Variants in COMMD10 observed in about 807,000 individuals in gnomAD.
The protein encoded by COMMD10 is COMM domain-containing protein 10.
Under a neutral mutation model 28.9 loss-of-function variants are expected in COMMD10, and 33 were observed. The ratio of observed to expected loss-of-function variants is 1.14; its 90% CI spans 0.87 to 1.53. COMMD10 has a LOEUF of 1.53. COMMD10 is among the 40% of genes most tolerant of loss of function. The pLI, the probability that COMMD10 is intolerant of heterozygous loss-of-function variation, is 0.00. For synonymous variants in COMMD10, 110 were observed against 81.7 expected, an observed-to-expected ratio of 1.35 and a Z score of -1.87; for missense variants, 310 against 233.4, an observed-to-expected ratio of 1.33 and a Z score of -2.14.
chr5:116,086,573 C>T (rs1163389573), intron 1 of COMMD10, among the ~76,000 whole-genome samples: 1 of 152,168 alleles, frequency 6.6e-6, no homozygotes, highest in Non-Finnish European at 1.5e-5. Context: ...ATTCTCCTCC[C>T]TGAGCCTCCT....
rs568702251 is a variant in COMMD10 at position 116,276,263 on chromosome 5, C to CT, written c.511-15248dup. On this transcript the variant is annotated intron_variant, in intron 5 of 6. Transcript: ENST00000274458. ...TGAGAAATATCTTCTTTTTTTTCTT[C>CT]TTTTTTGAGATGGACTTCTGCTTTT... Among the ~76,000 whole-genome samples, 23 of 151,130 alleles carry CT rather than the reference C, an allele frequency of 1.5e-4. No homozygotes were observed. In the South Asian group the frequency reaches 2.5e-3, roughly 16 times the overall value.
chr5:116,085,738 T>A (rs1750071739), intron 1 of COMMD10: 1 of 152,160 alleles, frequency 6.6e-6, no homozygotes, highest in Non-Finnish European at 1.5e-5. Flanking sequence ...AAGACTCAAT[T>A]TGTGAAAAAA....
intron 5 of COMMD10, among the ~76,000 whole-genome samples, chr5:116,182,623 A>G (rs1423153265): frequency 3.9e-5 from 6 of 152,158 alleles, no homozygotes; most frequent in African/African-American, 9.7e-5. Context: ...GAGGAAAGCA[A>G]TCTATTTGGG....
intron 5 of COMMD10, among the ~76,000 whole-genome samples, chr5:116,152,889 C>T (rs1355549971): frequency 1.3e-5 from 2 of 151,910 alleles, no homozygotes; most frequent in African/African-American, 4.8e-5. Flanking sequence ...TTTGTGAAAT[C>T]TTTTTTTGCT....
At chr5:116,171,628 C>T (rs993939091) in intron 5 of COMMD10, among the ~76,000 whole-genome samples, 2 of 152,128 alleles carry the variant, frequency 1.3e-5, no homozygotes, top group African/African-American at 4.8e-5. Context: ...CACATATACA[C>T]CATGGAATAC....
chr5:116,120,366 G>A (rs892592823), intron 4 of COMMD10, among the ~76,000 whole-genome samples: 1 of 152,108 alleles, frequency 6.6e-6, no homozygotes, highest in Non-Finnish European at 1.5e-5. Context: ...TTGGGAGGAA[G>A]ATGAGGGATA....
chr5:116,269,338 G>A (rs1314622092), intron 5 of COMMD10, among the ~76,000 whole-genome samples: 1 of 151,706 alleles, frequency 6.6e-6, no homozygotes, highest in Non-Finnish European at 1.5e-5. Flanking sequence ...GAGAAATTTT[G>A]GGCCACCCAC....
intron 5 of COMMD10, among the ~76,000 whole-genome samples, chr5:116,183,992 A>G (rs1580529380): frequency 6.6e-6 from 1 of 152,262 alleles, no homozygotes; most frequent in East Asian, 1.9e-4. Context: ...AATTATTTTA[A>G]TCAGTCATCC....
intron 5 of COMMD10, among the ~76,000 whole-genome samples, chr5:116,224,328 A>G (rs1199410056): frequency 2.0e-5 from 3 of 152,146 alleles, no homozygotes; most frequent in East Asian, 3.8e-4. Flanking sequence ...TACTGTCTCT[A>G]CAGTTCCCAG....
rs1750144929 is a variant in COMMD10, at chr5:116,087,521, A to T, written c.66A>T (p.Ile22=). 1 of 1,611,410 alleles carries T rather than the reference A, an allele frequency of 6.2e-7. No homozygotes were observed. Among genetic ancestry groups the T allele is most frequent in the Non-Finnish European group, 8.5e-7 (1 of 1,177,456 alleles). Residue 22 remains isoleucine (I), a synonymous_variant, in exon 2 of 7, where the codon ATA becomes ATT. Transcript: ENST00000274458. ...SPSMKKAVSL[I]NAIDTGRFPR... is the part of the protein sequence containing the mutation. Reference sequence around the variant, plus strand: ...GCATGAAGAAAGCAGTGTCACTGATAAATGCAATAGATACAGGAAGATTTC... The same window carrying T: ...GCATGAAGAAAGCAGTGTCACTGATTAATGCAATAGATACAGGAAGATTTC...
chr5:116,201,771 T>G (rs2112623820), intron 5 of COMMD10, among the ~76,000 whole-genome samples: 1 of 152,200 alleles, frequency 6.6e-6, no homozygotes, highest in African/African-American at 2.4e-5. Flanking sequence ...GGGTTTCAAG[T>G]CTGTGAAACA....
Position 116,209,513 on chromosome 5 carries a change from G to A in COMMD10, c.510+75335G>A, listed in dbSNP as rs112897676. ...TTACTGTTAATCTCATTTTGTAGCAGAAATAATAGACCAGGAGCATTAAAA... is the reference window on the plus strand; with the variant it reads ...TTACTGTTAATCTCATTTTGTAGCAAAAATAATAGACCAGGAGCATTAAAA... On this transcript the variant is annotated intron_variant, in intron 5 of 6. Coordinates refer to ENST00000274458, the MANE Select transcript of COMMD10 (RefSeq NM_016144.4). Among the ~76,000 whole-genome samples the A allele has an allele frequency of 7.9e-3, 1,209 of 152,240 alleles. 17 individuals carry two copies. Among genetic ancestry groups the A allele is most frequent in the African/African-American group, 0.027 (1,117 of 41,546 alleles).
chr5:116,191,931 A>T (rs1169517600), intron 5 of COMMD10, among the ~76,000 whole-genome samples: 1 of 143,724 alleles, frequency 7.0e-6, no homozygotes, highest in Non-Finnish European at 1.5e-5. Context: ...ACTCCACTGG[A>T]ACAGGTGCTG....
chr5:116,175,416 C>T (rs1017344887), intron 5 of COMMD10, among the ~76,000 whole-genome samples: 18 of 152,068 alleles, frequency 1.2e-4, no homozygotes, highest in Non-Finnish European at 2.4e-4. Context: ...TATCCTTGTA[C>T]ATTACCGGTG....
intron 1 of COMMD10, chr5:116,085,591 A>T (rs559247543): frequency 6.5e-6 from 1 of 154,246 alleles, no homozygotes; most frequent in Admixed American, 6.5e-5. Context: ...TGGTAGAAGA[A>T]TCTAGCCTGG....
chr5:116,172,035 A>C lies in COMMD10; in HGVS notation c.510+37857A>C, dbSNP rs13161987. 3.3e-5 allele frequency among the ~76,000 whole-genome samples: 5 copies of C among 152,048 alleles called. No homozygotes were observed. The East Asian group carries it at 9.7e-4, about 29-fold the overall frequency. ...ATTTAAACTCAGTTTCTGGTGGTTG[A>C]TGTCCAAAATAAGATTTTGCTTAGT... On this transcript the variant is annotated intron_variant, in intron 5 of 6. Transcript: ENST00000274458.
intron 4 of COMMD10, among the ~76,000 whole-genome samples, chr5:116,093,533 G>A (rs1217108720): frequency 6.6e-6 from 1 of 152,136 alleles, no homozygotes; most frequent in Non-Finnish European, 1.5e-5. Context: ...CCCCGAGACT[G>A]GCATAGGGAG....
At chr5:116,147,822 A>G (rs1272883078) in intron 5 of COMMD10, among the ~76,000 whole-genome samples, 1 of 151,948 alleles carries the variant, frequency 6.6e-6, no homozygotes, top group East Asian at 1.9e-4. Flanking sequence ...AAATTCACCT[A>G]GAATCCTACC....
intron 5 of COMMD10, among the ~76,000 whole-genome samples, chr5:116,168,852 C>CACTAA (rs2112577817): frequency 1.3e-5 from 2 of 152,232 alleles, no homozygotes; most frequent in South Asian, 4.1e-4. Flanking sequence ...AAATTTATAG[C>CACTAA]ACTAACTGCC....
Sources: gnomAD v4.1 joint callset for allele counts (sites outside exome capture counted in the v4.1 genomes callset) on GRCh38, gnomAD v4.1.1 for gene constraint, MANE v1.5 for transcripts, NCBI Gene and HGNC (gene_info 2026-07-23, HGNC 2026-07-21) for gene names.